HOOK3: variants seen among roughly 807,000 people sequenced by gnomAD.
The protein encoded by HOOK3 is protein Hook homolog 3.
In HOOK3, 24 loss-of-function variants were observed where a neutral mutation model predicts 116.3. The ratio of observed to expected loss-of-function variants is 0.21; its 90% CI spans 0.15 to 0.29. The LOEUF is 0.29. Among genes scored for constraint, HOOK3 ranks in the 10% least tolerant of loss-of-function variants. The pLI is 1.00. For missense variants in HOOK3, 632 were observed against 830.2 expected (o/e 0.76, Z 2.93); for synonymous variants, 275 against 283.0 (o/e 0.97, Z 0.28).
At chr8:42,923,293 C>G (rs1269011797) in intron 2 of HOOK3, among the ~76,000 whole-genome samples, 1 of 152,188 alleles carries the variant, frequency 6.6e-6, no homozygotes, top group Non-Finnish European at 1.5e-5. Context: ...GGCCTTGCCT[C>G]ACATGACCCA....
At chr8:42,943,637 TTGAC>T (rs1457278542) in intron 5 of HOOK3, among the ~76,000 whole-genome samples, 192 bp downstream of exon 5, 1 of 152,252 alleles carries the variant, frequency 6.6e-6, no homozygotes, top group Non-Finnish European at 1.5e-5. Flanking sequence ...TAAAATAAAT[TTGAC>T]TGGGGTGATA....
At chr8:42,956,882 A>G (rs1413936139) in intron 6 of HOOK3, among the ~76,000 whole-genome samples, 2 of 152,172 alleles carry the variant, frequency 1.3e-5, no homozygotes, top group Non-Finnish European at 2.9e-5. Context: ...GCGCCCAGCC[A>G]GCCCTCTAAT....
intron 6 of HOOK3, among the ~76,000 whole-genome samples, chr8:42,956,223 CGTGTGTGTGTGTGTGTGTGTGTGT>C (rs61448463): frequency 9.6e-5 from 13 of 135,886 alleles, no homozygotes; most frequent in South Asian, 2.5e-4. Flanking sequence ...AGGATTAGGG[CGTGTGTGTGTGTGTGTGTGTGTGT>C]GTGTGTGTGT....
In HOOK3 at chr8:42,902,260, TTC is replaced by T. The variant is rs535319525; in HGVS notation, c.58-3897_58-3896del. On this transcript the variant is annotated intron_variant, in intron 1 of 21. Transcript: ENST00000307602. ...AGTAGGGGGAGCCAAGAAATGTGTA[TTC>T]TCTCTCTCTCTCTCTTTTTTTTTTT... is the stretch of plus-strand genomic sequence containing the variant. 6.0e-5 allele frequency among the ~76,000 whole-genome samples: 9 copies of T among 150,518 alleles called. No homozygotes were observed. The East Asian group carries it at 7.9e-4, about 13-fold the overall frequency.
intron 2 of HOOK3, among the ~76,000 whole-genome samples, chr8:42,906,626 A>G (rs1040483214): frequency 6.6e-6 from 1 of 152,192 alleles, no homozygotes; most frequent in Admixed American, 6.5e-5. Context: ...TGCCCTGAGT[A>G]CCCATATAAA....
rs540289955 is a variant in HOOK3, at chr8:42,924,976, C to CA, written c.144-570dup. On this transcript the variant is annotated intron_variant, in intron 2 of 21. Transcript: ENST00000307602. ...TGAGTGACGGAGCGAGACTCTGTCT[C>CA]AAAAAAAAAAACCCAAAAACTATGT... Among the ~76,000 whole-genome samples, 1,190 of 136,126 alleles carry CA rather than the reference C, an allele frequency of 8.7e-3. 18 individuals carry two copies. Among genetic ancestry groups the CA allele is most frequent in the African/African-American group, 0.026 (982 of 37,090 alleles). The allele number at this position is 136,126 out of a possible 152,430, so 89.3% of individuals were successfully genotyped here.
chr8:43,012,967 T>C, intron 19 of HOOK3, 84 bp from the exon 20 acceptor site: 1 of 857,166 alleles, frequency 1.2e-6, no homozygotes, highest in East Asian at 2.8e-5. Context: ...TCCTTTTATT[T>C]TAAAAAAATA....
chr8:42,953,740 T>C (rs202080446), intron 6 of HOOK3, among the ~76,000 whole-genome samples: 2 of 152,286 alleles, frequency 1.3e-5, no homozygotes, highest in East Asian at 3.9e-4. Flanking sequence ...CTTAAAGTGG[T>C]TAAAATGGCA....
chr8:42,973,449 G>A (rs1021108391), intron 12 of HOOK3, 50 bp downstream of exon 12: 2 of 1,165,346 alleles, frequency 1.7e-6, no homozygotes. Flanking sequence ...TAAAATTAAG[G>A]CGATTATGTT....
chr8:43,016,555 T>A (rs1490632504), intron 21 of HOOK3, among the ~76,000 whole-genome samples: 1 of 152,172 alleles, frequency 6.6e-6, no homozygotes, highest in Non-Finnish European at 1.5e-5. Flanking sequence ...TAAATGGAAA[T>A]GGAAATGATG....
chr8:42,903,085 C>T (rs575518178), intron 1 of HOOK3, among the ~76,000 whole-genome samples: 6 of 152,238 alleles, frequency 3.9e-5, no homozygotes, highest in East Asian at 3.9e-4. Context: ...AATCAGTTCC[C>T]GCAGATGGTG....
At position 43,018,478 on chromosome 8, in the gene HOOK3, C is replaced by A; in HGVS notation, c.2137C>A (p.Gln713Lys). The A allele has an allele frequency of 6.2e-7, 1 of 1,611,806 alleles. No individual in the cohort carries two copies. Among genetic ancestry groups the A allele is most frequent in the Non-Finnish European group, 8.5e-7 (1 of 1,179,338 alleles). The change falls in exon 22 of 22, where the codon CAG (glutamine) becomes AAG (lysine). Residue 713 changes from glutamine to lysine, a missense_variant. Gln to Lys is a moderately conservative substitution (Grantham distance 53). This residue lies in a region of HOOK3 where 483 missense variants were observed against 648.1 expected (regional missense o/e 0.75). Coordinates refer to ENST00000307602, the MANE Select transcript of HOOK3 (RefSeq NM_032410.4). The part of the protein sequence containing the change: ...SSRRSYPGHV[Q>K]PATAR ...CAGAAGATCATACCCAGGCCACGTGCAGCCGGCCACAGCAAGGTAGAGAAG... is the reference window on the plus strand; with the variant it reads ...CAGAAGATCATACCCAGGCCACGTGAAGCCGGCCACAGCAAGGTAGAGAAG...
At chr8:42,959,837 G>C (rs1217835826) in intron 8 of HOOK3, among the ~76,000 whole-genome samples, 1 of 151,350 alleles carries the variant, frequency 6.6e-6, no homozygotes, top group Non-Finnish European at 1.5e-5. Context: ...TTTGACTAAA[G>C]AGGGGGACAT....
chr8:42,950,825 A>G (rs969961778), intron 6 of HOOK3, among the ~76,000 whole-genome samples: 6 of 151,966 alleles, frequency 3.9e-5, no homozygotes, highest in African/African-American at 1.5e-4. Flanking sequence ...AGCTGGGACT[A>G]CAGGTGTGTG....
intron 13 of HOOK3, among the ~76,000 whole-genome samples, chr8:42,975,222 C>T (rs757297032): frequency 4.5e-4 from 69 of 152,166 alleles, no homozygotes; most frequent in Admixed American, 3.7e-3. Context: ...GGGACACCTG[C>T]CTGACCTGTG....
chr8:42,947,904 A>T (rs1191327161), intron 5 of HOOK3, among the ~76,000 whole-genome samples: 1 of 152,136 alleles, frequency 6.6e-6, no homozygotes, highest in Non-Finnish European at 1.5e-5. Context: ...ACAGATTAAA[A>T]GAGGCTTATG....
intron 2 of HOOK3, among the ~76,000 whole-genome samples, chr8:42,922,720 G>A (rs1417725727): frequency 6.6e-6 from 1 of 152,028 alleles, no homozygotes; most frequent in African/African-American, 2.4e-5. Flanking sequence ...CCAACATGGT[G>A]AAACCCTGTC....
chr8:43,016,816 A>G (rs1196392038), intron 21 of HOOK3, among the ~76,000 whole-genome samples: 3 of 152,182 alleles, frequency 2.0e-5, no homozygotes, highest in African/African-American at 7.2e-5. Context: ...CATATTTTAG[A>G]TTTTTCTTAT....
chr8:42,970,482 T>C (rs933274653), intron 11 of HOOK3, among the ~76,000 whole-genome samples: 2 of 152,234 alleles, frequency 1.3e-5, no homozygotes, highest in Admixed American at 6.5e-5. Flanking sequence ...GAGAGCTGTT[T>C]CTGTCTGAAC....
Sources: allele counts gnomAD v4.1 joint callset (sites outside exome capture counted in the v4.1 genomes callset), GRCh38; gene constraint gnomAD v4.1.1; regional missense constraint gnomAD v4.1.1; transcripts MANE v1.5; gene names NCBI Gene and HGNC (gene_info 2026-07-23, HGNC 2026-07-21).